CARD6: variants seen among roughly 807,000 people sequenced by gnomAD.
CARD6 encodes the protein caspase recruitment domain-containing protein 6.
In CARD6, 27 loss-of-function variants were observed where a neutral mutation model predicts 23.6. The observed-to-expected ratio is 1.14, with a 90% confidence interval of 0.84 to 1.58. CARD6 has a LOEUF of 1.58. Among genes scored for constraint, CARD6 ranks in the 40% most tolerant of loss-of-function variants. The pLI is 0.00. For missense variants in CARD6, 1,214 were observed against 1,209.9 expected (o/e 1.00, Z -0.05); for synonymous variants, 397 against 431.8 (o/e 0.92, Z 1.00).
rs1309231619 is a variant in CARD6, at chr5:40,853,304, G to T, written c.1972G>T (p.Asp658Tyr). Reference sequence around the variant, plus strand: ...GGCCAGGGAGCTGGGGATTCAGGTAGATGAAGACTTTGAAAACACTCAGAG... The same window carrying T: ...GGCCAGGGAGCTGGGGATTCAGGTATATGAAGACTTTGAAAACACTCAGAG... ...ALARELGIQV[D>Y]EDFENTQRIQ... Residue 658 changes from aspartate to tyrosine, a missense_variant, in exon 3 of 3, where the codon GAT (aspartate) becomes TAT (tyrosine). By Grantham distance (160) the Asp-to-Tyr change is radical. Transcript: ENST00000254691. The T allele has an allele frequency of 1.9e-6, 3 of 1,614,076 alleles. No individual in the cohort carries two copies. Among genetic ancestry groups the T allele is most frequent in the Non-Finnish European group, 2.5e-6 (3 of 1,180,030 alleles).
rs1745904283 is a variant in CARD6 at position 40,843,173 on chromosome 5, C to T, written c.305C>T (p.Thr102Ile). ...GCAGAAGTTTTAAAACATGAGAATA[C>T]AGTACCTCCTCAATCTATGGGGGCA... ...LRHEVLKHEN[T>I]VPPQSMGASS... Residue 102 changes from threonine (T) to isoleucine (I), a missense_variant, in exon 2 of 3, where the codon ACA becomes ATA. Thr to Ile is a moderately conservative substitution (Grantham distance 89). Transcript: ENST00000254691. 1 of 1,595,720 alleles carries T rather than the reference C, an allele frequency of 6.3e-7. No homozygotes were observed. The highest frequency in any genetic ancestry group is 1.8e-5 in the Admixed American group (1 of 54,242).
intron 2 of CARD6, among the ~76,000 whole-genome samples, chr5:40,845,638 TTATC>T (rs1259185856): frequency 6.6e-6 from 1 of 152,192 alleles, no homozygotes; most frequent in Non-Finnish European, 1.5e-5. Flanking sequence ...AATCCCCTGT[TTATC>T]TATTCTGTTT....
At chr5:40,849,610 G>C (rs72748000) in intron 2 of CARD6, among the ~76,000 whole-genome samples, 16,099 of 152,066 alleles carry the variant, frequency 0.11, 1,160 homozygotes, top group East Asian at 0.31. Context: ...TTTTACACTA[G>C]CTGGCCGTCT....
chr5:40,853,210 A>G lies in CARD6; in HGVS notation c.1878A>G (p.Gln626=). 6.2e-7 allele frequency: 1 copy of G among 1,614,208 alleles called. No individual in the cohort carries two copies. The highest frequency in any genetic ancestry group is 8.5e-7 in the Non-Finnish European group (1 of 1,180,028). ...GDRRKNMEGL[Q]AALQEVMFSS... ...GAAGGAAGAACATGGAGGGCCTTCA[A>G]GCTGCCCTCCAGGAAGTGATGTTCT... The change falls in exon 3 of 3, where the codon CAA becomes CAG. Residue 626 remains glutamine (Q), a synonymous_variant. Coordinates refer to ENST00000254691, the MANE Select transcript of CARD6 (RefSeq NM_032587.4).
chr5:40,841,609 T>G lies in CARD6; in HGVS notation c.227T>G (p.Leu76Arg), dbSNP rs1210861721. 2.5e-6 allele frequency: 4 copies of G among 1,614,186 alleles called. No individual in the cohort carries two copies. The highest frequency in any genetic ancestry group is 2.5e-6 in the Non-Finnish European group (3 of 1,180,026). The change falls in exon 1 of 3, where the codon CTC becomes CGC. Residue 76 changes from leucine (L) to arginine (R), a missense_variant. Coordinates refer to ENST00000254691, the MANE Select transcript of CARD6 (RefSeq NM_032587.4). ...GGAGAGGCGACCTGTCAGCATTTTCTCAAGTGTTTATTTAGTACTTTTCCA... is the reference window on the plus strand; with the variant it reads ...GGAGAGGCGACCTGTCAGCATTTTCGCAAGTGTTTATTTAGTACTTTTCCA... ...KKGEATCQHF[L>R]KCLFSTFPQS...
chr5:40,848,971 T>G (rs1186690153), intron 2 of CARD6, among the ~76,000 whole-genome samples: 1 of 152,110 alleles, frequency 6.6e-6, no homozygotes, highest in Non-Finnish European at 1.5e-5. Context: ...GTTATTACCT[T>G]GTCGACACAC....
Position 40,852,297 on chromosome 5 carries a change from C to T in CARD6, c.965C>T (p.Pro322Leu). 6.2e-7 allele frequency: 1 copy of T among 1,614,048 alleles called. No homozygotes were observed. Among genetic ancestry groups the T allele is most frequent in the Non-Finnish European group, 8.5e-7 (1 of 1,179,996 alleles). Residue 322 changes from proline to leucine, a missense_variant, in exon 3 of 3, where the codon CCA becomes CTA. Physicochemically the swap from Pro to Leu is moderately conservative, Grantham distance 98. Transcript: ENST00000254691. ...DRGCKWTPES[P>L]GDLAWNFLMK... is the part of the protein sequence containing the mutation. Reference sequence around the variant, plus strand: ...GGATGTAAGTGGACCCCTGAGAGTCCAGGAGACTTAGCCTGGAATTTCCTG... The same window carrying T: ...GGATGTAAGTGGACCCCTGAGAGTCTAGGAGACTTAGCCTGGAATTTCCTG...
At chr5:40,849,575 G>A (rs1746022257) in intron 2 of CARD6, among the ~76,000 whole-genome samples, 1 of 152,082 alleles carries the variant, frequency 6.6e-6, no homozygotes, top group African/African-American at 2.4e-5. Context: ...TTTCTTCAAA[G>A]CTATTTTTAA....
chr5:40,843,005 T>A, intron 1 of CARD6, 147 bp from the exon 2 acceptor site: 3 of 609,762 alleles, frequency 4.9e-6, no homozygotes, highest in Non-Finnish European at 8.2e-6. Context: ...GCCATTGCAC[T>A]CCAGCCTCGG....
rs752430875 is a variant in CARD6, at chr5:40,852,908, C to G, written c.1576C>G (p.Pro526Ala). ...AAAGGAAAACCCCTTTTTCCAAAAG[C>G]CTGTTGCTCTGGCTAATCTCCGTGG... ...DRKENPFFQK[P>A]VALANLRGNL... The change falls in exon 3 of 3, where the codon CCT becomes GCT. Residue 526 changes from proline to alanine, a missense_variant. Transcript: ENST00000254691. 1.2e-6 allele frequency: 2 copies of G among 1,613,690 alleles called. No individual in the cohort carries two copies. Among genetic ancestry groups the G allele is most frequent in the Admixed American group, 1.7e-5 (1 of 59,880 alleles).
chr5:40,854,243 C>T lies in CARD6; in HGVS notation c.2911C>T (p.Gln971Ter), dbSNP rs371819667. The T allele has an allele frequency of 5.0e-6, 8 of 1,614,176 alleles. No homozygotes were observed. The highest frequency in any genetic ancestry group is 6.8e-6 in the Non-Finnish European group (8 of 1,180,038). The change falls in exon 3 of 3, where the codon CAG becomes TAG. Residue 971 changes from glutamine to a stop codon, truncating the protein, a stop_gained. Coordinates refer to ENST00000254691, the MANE Select transcript of CARD6 (RefSeq NM_032587.4). LOFTEE classifies it low-confidence loss of function (END_TRUNC). ...HSVPSQPKSSQTKSCQSQPSQ... is the reference protein window; with the variant it reads ...HSVPSQPKSS The stretch of plus-strand genomic sequence containing the variant: ...TGTGCCCTCTCAACCTAAATCCTCT[C>T]AGACAAAATCCTGTCAGTCCCAGCC...
At chr5:40,845,043 G>A (rs897842813) in intron 2 of CARD6, among the ~76,000 whole-genome samples, 7 of 151,714 alleles carry the variant, frequency 4.6e-5, no homozygotes, top group Non-Finnish European at 7.4e-5. Context: ...AATTTTTGTT[G>A]TTTTAGTAGA....
At chr5:40,846,390 G>A (rs1432954244) in intron 2 of CARD6, among the ~76,000 whole-genome samples, 1 of 152,092 alleles carries the variant, frequency 6.6e-6, no homozygotes, top group Non-Finnish European at 1.5e-5. Flanking sequence ...CAGAGAAGTA[G>A]TGAAGGCCTT....
In CARD6 at chr5:40,850,800, AT is replaced by A. The variant is rs532283401; in HGVS notation, c.842-1365del. Among the ~76,000 whole-genome samples the A allele has an allele frequency of 4.9e-3, 737 of 150,836 alleles. 3 individuals carry two copies. Among genetic ancestry groups the A allele is most frequent in the Non-Finnish European group, 6.4e-3 (433 of 67,738 alleles). On this transcript the variant is annotated intron_variant, in intron 2 of 2. Transcript: ENST00000254691. ...GATGTATATAATTTAACATTAATAA[AT>A]TTTTTTTTCATTGCTGCATGTAAAT... is the stretch of plus-strand genomic sequence containing the variant.
chr5:40,848,401 G>C (rs555451577), intron 2 of CARD6, among the ~76,000 whole-genome samples: 2 of 152,014 alleles, frequency 1.3e-5, no homozygotes, highest in Non-Finnish European at 2.9e-5. Context: ...TTTTTGTAGA[G>C]ACAGGGTTTT....
Position 40,843,292 on chromosome 5 carries a change from T to A in CARD6, c.424T>A (p.Leu142Met). The A allele has an allele frequency of 6.2e-7, 1 of 1,614,160 alleles. No homozygotes were observed. Among genetic ancestry groups the A allele is most frequent in the Non-Finnish European group, 8.5e-7 (1 of 1,180,024 alleles). ...VFFSEKEHLD[L>M]ETSEFFRDKK... ...CTTCAGTGAGAAGGAACACTTGGAT[T>A]TGGAAACCTCTGAGTTTTTCAGGGA... Residue 142 changes from leucine (L) to methionine (M), a missense_variant, in exon 2 of 3, where the codon TTG (leucine) becomes ATG (methionine). Leu to Met is a conservative substitution (Grantham distance 15). Transcript: ENST00000254691.
chr5:40,847,946 C>T (rs983279154), intron 2 of CARD6, among the ~76,000 whole-genome samples: 19 of 151,860 alleles, frequency 1.3e-4, no homozygotes, highest in African/African-American at 4.6e-4. Context: ...ACTTCGAGTA[C>T]ATGAATTTTA....
intron 2 of CARD6, among the ~76,000 whole-genome samples, chr5:40,850,052 C>T (rs1348264110): frequency 2.6e-5 from 4 of 151,684 alleles, no homozygotes; most frequent in African/African-American, 9.7e-5. Flanking sequence ...CATGTAAACT[C>T]CGAGAAAAAC....
At chr5:40,842,917 A>T (rs1354318437) in intron 1 of CARD6, among the ~76,000 whole-genome samples, 1 of 152,200 alleles carries the variant, frequency 6.6e-6, no homozygotes, top group Non-Finnish European at 1.5e-5. Flanking sequence ...GCATGCCTGT[A>T]ATCCCAGCTA....
Sources: allele counts gnomAD v4.1 joint callset (sites outside exome capture counted in the v4.1 genomes callset), GRCh38; gene constraint gnomAD v4.1.1; transcripts MANE v1.5; gene names NCBI Gene and HGNC (gene_info 2026-07-23, HGNC 2026-07-21).